PDE4D: variants seen among roughly 807,000 people sequenced by gnomAD.
PDE4D encodes phosphodiesterase 4D, also known as 3',5'-cyclic-AMP phosphodiesterase 4D.
A neutral mutation model predicts 87.4 loss-of-function variants in PDE4D; 24 were observed. The observed-to-expected ratio is 0.27, with a 90% CI of 0.20 to 0.39. The LOEUF is 0.39. PDE4D is among the 10% of genes least tolerant of loss of function. PDE4D has a pLI of 1.00. For synonymous variants in PDE4D, 384 were observed against 383.2 expected, an observed-to-expected ratio of 1.00 and a Z score of -0.02; for missense variants, 714 against 1,041.0, an observed-to-expected ratio of 0.69 and a Z score of 4.32.
chr5:59,853,280 T>A (rs1017876866), intron 1 of PDE4D, among the ~76,000 whole-genome samples: 1 of 152,040 alleles, frequency 6.6e-6, no homozygotes, highest in Non-Finnish European at 1.5e-5. Flanking sequence ...TCAAGAGAAA[T>A]TTAATGTCTG....
intron 1 of PDE4D, among the ~76,000 whole-genome samples, chr5:60,194,149 ATGTC>A (rs1370388000): frequency 6.6e-6 from 1 of 151,586 alleles, no homozygotes; most frequent in Non-Finnish European, 1.5e-5. Flanking sequence ...TTGAAAAAAA[ATGTC>A]TGTTATCTTT....
At chr5:59,300,573 A>G (rs963640903) in intron 1 of PDE4D, among the ~76,000 whole-genome samples, 7 of 152,152 alleles carry the variant, frequency 4.6e-5, no homozygotes, top group Non-Finnish European at 1.0e-4. Context: ...AGCATCTAGG[A>G]GCTATAGGGT....
chr5:59,364,546 T>C (rs1782739001), intron 1 of PDE4D, among the ~76,000 whole-genome samples: 1 of 152,192 alleles, frequency 6.6e-6, no homozygotes, highest in South Asian at 2.1e-4. Flanking sequence ...TAGGTGAGTC[T>C]TAAGGGATTG....
At chr5:59,227,178 A>C (rs188726739) in intron 1 of PDE4D, among the ~76,000 whole-genome samples, 1 of 152,292 alleles carries the variant, frequency 6.6e-6, no homozygotes, top group African/African-American at 2.4e-5. Context: ...TCTTTCTCAA[A>C]ATGTGGCTTC....
intron 1 of PDE4D, among the ~76,000 whole-genome samples, chr5:60,389,772 A>C (rs972321433): frequency 6.6e-6 from 1 of 152,114 alleles, no homozygotes; most frequent in Non-Finnish European, 1.5e-5. Context: ...AGGATACACA[A>C]AGTAGAAGCG....
At chr5:59,976,539 C>G (rs1226193886) in intron 3 of PDE4D, among the ~76,000 whole-genome samples, 1 of 152,176 alleles carries the variant, frequency 6.6e-6, no homozygotes, top group Non-Finnish European at 1.5e-5. Context: ...CTTCCTGAAG[C>G]CTCACAAAAG....
At chr5:59,284,583 G>C (rs1373991332) in intron 1 of PDE4D, among the ~76,000 whole-genome samples, 89 of 147,564 alleles carry the variant, frequency 6.0e-4, no homozygotes, top group Non-Finnish European at 7.5e-5. Flanking sequence ...AGAGGATGTG[G>C]AGAAATAGGA....
chr5:60,357,294 A>AT (rs527657196), intron 1 of PDE4D, among the ~76,000 whole-genome samples: 235 of 152,206 alleles, frequency 1.5e-3, no homozygotes, highest in Non-Finnish European at 2.9e-3. Flanking sequence ...CTACTAAATA[A>AT]TTTTTTGAGC....
At chr5:60,489,797 A>G (rs1244749035), upstream of PDE4D, 2 of 152,184 alleles carry the variant, frequency 1.3e-5, no homozygotes, top group Non-Finnish European at 2.9e-5. Flanking sequence ...TTGAATTTTC[A>G]ACACAGACTC....
intron 11 of PDE4D, among the ~76,000 whole-genome samples, chr5:58,981,303 C>T (rs928477755): frequency 6.6e-6 from 1 of 152,152 alleles, no homozygotes; most frequent in Non-Finnish European, 1.5e-5. Flanking sequence ...TTCTACCAAA[C>T]AGGCTACAAC....
At chr5:60,407,293 T>C (rs1033511976) in intron 1 of PDE4D, among the ~76,000 whole-genome samples, 2 of 151,876 alleles carry the variant, frequency 1.3e-5, no homozygotes, top group Non-Finnish European at 2.9e-5. Context: ...CAAAACACTC[T>C]AGCTGCAAAA....
intron 1 of PDE4D, among the ~76,000 whole-genome samples, chr5:59,813,296 G>A (rs1302915009): frequency 1.3e-5 from 2 of 152,064 alleles, no homozygotes; most frequent in African/African-American, 2.4e-5. Flanking sequence ...TTTATTACAC[G>A]TCTTTGAGGC....
chr5:59,438,102 C>T (rs111764379), intron 1 of PDE4D, among the ~76,000 whole-genome samples: 13,335 of 152,138 alleles, frequency 0.088, 616 homozygotes, highest in Middle Eastern at 0.11. Context: ...GGGTCCCTCC[C>T]ACAACACATG....
chr5:59,588,166 A>T (rs1013386007), intron 1 of PDE4D, among the ~76,000 whole-genome samples: 1 of 152,082 alleles, frequency 6.6e-6, no homozygotes, highest in Non-Finnish European at 1.5e-5. Flanking sequence ...TGCTTGTTTG[A>T]TTAGGGGGTG....
chr5:59,807,081 A>G (rs1056019113), intron 1 of PDE4D, among the ~76,000 whole-genome samples: 2 of 152,150 alleles, frequency 1.3e-5, no homozygotes, highest in Non-Finnish European at 2.9e-5. Flanking sequence ...GTAGCAACCA[A>G]CGAGCCCCTT....
At chr5:60,429,026 A>T (rs1743962980) in intron 1 of PDE4D, among the ~76,000 whole-genome samples, 1 of 152,208 alleles carries the variant, frequency 6.6e-6, no homozygotes. Context: ...TCCCAATGTG[A>T]CTACTAATAG....
At chr5:60,024,919 G>A (rs1766463737) in intron 2 of PDE4D, among the ~76,000 whole-genome samples, 1 of 151,966 alleles carries the variant, frequency 6.6e-6, no homozygotes, top group Non-Finnish European at 1.5e-5. Context: ...ACTGCTTGAA[G>A]TATCATCAAG....
intron 5 of PDE4D, among the ~76,000 whole-genome samples, chr5:59,119,305 C>T (rs1385121636): frequency 6.6e-6 from 1 of 152,004 alleles, no homozygotes; most frequent in Admixed American, 6.6e-5. Context: ...TTATAAAAAT[C>T]CTAATTTTAA....
At chr5:59,382,307 T>C (rs1786028292) in intron 1 of PDE4D, among the ~76,000 whole-genome samples, 2 of 152,126 alleles carry the variant, frequency 1.3e-5, no homozygotes, top group African/African-American at 4.8e-5. Context: ...TGGTGAAACA[T>C]ATTACTTATG....
Sources: gnomAD v4.1 joint callset for allele counts (sites outside exome capture counted in the v4.1 genomes callset) on GRCh38, gnomAD v4.1.1 for gene constraint, MANE v1.5 for transcripts, NCBI Gene and HGNC (gene_info 2026-07-23, HGNC 2026-07-21) for gene names.